LRBA: variants seen among roughly 807,000 people sequenced by gnomAD.
LRBA encodes the protein LPS responsive beige-like anchor protein, also known as lipopolysaccharide-responsive and beige-like anchor protein.
Under a neutral mutation model 330.0 loss-of-function variants are expected in LRBA, and 176 were observed. That is an observed-to-expected ratio of 0.53 (90% CI 0.47 to 0.60). The LOEUF is 0.60. Ranked by LOEUF, LRBA falls within the 20% of genes least tolerant of loss-of-function variation. The pLI is 0.00. For synonymous variants in LRBA, 1,230 were observed against 1,193.0 expected (o/e 1.03, Z -0.64); for missense variants, 3,259 against 3,444.8 (o/e 0.95, Z 1.35).
intron 40 of LRBA, chr4:150,584,184 G>A: frequency 7.1e-6 from 10 of 1,417,744 alleles, no homozygotes; most frequent in Non-Finnish European, 9.3e-6. Flanking sequence ...ATAAACAGCA[G>A]AAACTCTGGA....
intron 56 of LRBA, among the ~76,000 whole-genome samples, chr4:150,269,669 G>A (rs1039373076): frequency 2.0e-5 from 3 of 152,200 alleles, no homozygotes; most frequent in Non-Finnish European, 4.4e-5. Context: ...TCAGGGCTAG[G>A]TATAGTGGCT....
At chr4:150,853,588 A>G (rs1239610258) in intron 22 of LRBA, among the ~76,000 whole-genome samples, 1 of 152,196 alleles carries the variant, frequency 6.6e-6, no homozygotes. Context: ...TTCCATTTAT[A>G]TCTGAGTGAC....
chr4:150,589,009 CA>C (rs1393723836), intron 39 of LRBA, among the ~76,000 whole-genome samples: 6 of 150,776 alleles, frequency 4.0e-5, no homozygotes, highest in African/African-American at 1.5e-4. Context: ...AAAAATGTTA[CA>C]TATATATGTC....
chr4:150,315,198 T>C (rs1224784163), intron 51 of LRBA: 1 of 306,080 alleles, frequency 3.3e-6, no homozygotes, highest in Non-Finnish European at 6.1e-6. Context: ...CTCCATCACA[T>C]TACCGGTGCA....
At chr4:150,712,826 T>C (rs1390422361) in intron 36 of LRBA, among the ~76,000 whole-genome samples, 3 of 151,956 alleles carry the variant, frequency 2.0e-5, no homozygotes, top group Admixed American at 1.3e-4. Context: ...ATAAGCAAAA[T>C]AAGGAGTGGT....
At chr4:150,960,422 CAAAAGGTCCAGGTTTTTT>C (rs1055009113) in intron 2 of LRBA, among the ~76,000 whole-genome samples, 2 of 148,878 alleles carry the variant, frequency 1.3e-5, no homozygotes, top group Admixed American at 6.6e-5. Context: ...TGCTAAATGT[CAAAAGGTCCAGGTTTTTT>C]AAAAGGTCCA....
intron 36 of LRBA, among the ~76,000 whole-genome samples, chr4:150,703,637 T>C (rs559929837): frequency 3.6e-4 from 55 of 152,294 alleles, no homozygotes; most frequent in African/African-American, 1.3e-3. Context: ...CAGAAATTGC[T>C]AATGTAACGT....
chr4:150,341,428 A>G (rs1193257833), intron 48 of LRBA, among the ~76,000 whole-genome samples: 1 of 152,052 alleles, frequency 6.6e-6, no homozygotes, highest in African/African-American at 2.4e-5. Flanking sequence ...TCAGCCTCCC[A>G]AAGTGCTGGG....
At chr4:150,924,300 C>T (rs887540203) in intron 4 of LRBA, among the ~76,000 whole-genome samples, 3 of 152,034 alleles carry the variant, frequency 2.0e-5, no homozygotes, top group Non-Finnish European at 2.9e-5. Context: ...TCGCTTGAGC[C>T]TAGGGGTTTG....
At chr4:150,754,808 A>G (rs1483473750) in intron 35 of LRBA, among the ~76,000 whole-genome samples, 1 of 152,164 alleles carries the variant, frequency 6.6e-6, no homozygotes, top group Non-Finnish European at 1.5e-5. Flanking sequence ...GTATCTTCCC[A>G]CATATATAAT....
In LRBA at chr4:150,828,462, A is replaced by C. The variant is rs1471756660; in HGVS notation, c.4889T>G (p.Val1630Gly). Residue 1630 changes from valine (V) to glycine (G), a missense_variant, in exon 30 of 57, where the codon GTC (valine) becomes GGC (glycine). Transcript: ENST00000651943. Reference protein sequence around the residue: ...EVTPHTAPPGVSAGPDAISEV... With the variant: ...EVTPHTAPPGGSAGPDAISEV... ...GCTGATTGCATCTGGGCCTGCACTG[A>C]CACCAGGAGGTGCTGTGTGAGGAGT... 1.7e-5 allele frequency: 28 copies of C among 1,614,136 alleles called. No individual in the cohort carries two copies. The highest frequency in any genetic ancestry group is 2.3e-5 in the Non-Finnish European group (27 of 1,179,996).
intron 37 of LRBA, among the ~76,000 whole-genome samples, chr4:150,639,757 A>ATG (rs1561457062): frequency 0.012 from 218 of 17,908 alleles, 21 homozygotes; most frequent in African/African-American, 0.05. Flanking sequence ...ATATATATAT[A>ATG]TATATATATA....
intron 48 of LRBA, among the ~76,000 whole-genome samples, chr4:150,329,465 A>G (rs1733712054): frequency 6.6e-6 from 1 of 152,186 alleles, no homozygotes; most frequent in Admixed American, 6.5e-5. Flanking sequence ...TGTGGCTTCA[A>G]TGGCTTAATG....
At chr4:150,764,445 T>A (rs1210203040) in intron 34 of LRBA, among the ~76,000 whole-genome samples, 3 of 151,896 alleles carry the variant, frequency 2.0e-5, no homozygotes, top group Non-Finnish European at 4.4e-5. Context: ...AATAGCAAGG[T>A]TACAGGATAC....
At chr4:150,309,671 A>T (rs1443241754) in intron 52 of LRBA, among the ~76,000 whole-genome samples, 1 of 152,184 alleles carries the variant, frequency 6.6e-6, no homozygotes, top group African/African-American at 2.4e-5. Context: ...ATGCATGTAA[A>T]TGAATATATA....
At position 150,540,438 on chromosome 4, in the gene LRBA, G is replaced by A. The variant is rs551979240; in HGVS notation, c.6330+47610C>T. Among the ~76,000 whole-genome samples, 8 of 152,194 alleles carry A rather than the reference G, an allele frequency of 5.3e-5. No individual in the cohort carries two copies. The South Asian group carries it at 1.5e-3, about 28-fold the overall frequency. On this transcript the variant is annotated intron_variant, in intron 40 of 56. Coordinates refer to ENST00000651943, the MANE Select transcript of LRBA (RefSeq NM_001364905.1). ...TTGAACTCCTGACCTCATGTGATCC[G>A]CCTGCCTCAGCCTCTCAAAGTGCTG...
intron 2 of LRBA, among the ~76,000 whole-genome samples, chr4:150,947,947 A>G (rs1736411934): frequency 6.6e-6 from 1 of 152,066 alleles, no homozygotes; most frequent in South Asian, 2.1e-4. Context: ...AACAAAATAT[A>G]TACAGGACTT....
intron 52 of LRBA, among the ~76,000 whole-genome samples, chr4:150,307,565 TAA>T (rs113281423): frequency 2.9e-5 from 4 of 139,292 alleles, no homozygotes; most frequent in African/African-American, 5.2e-5. Flanking sequence ...TATAAAAATT[TAA>T]AAAAAAAAAA....
chr4:150,780,647 G>A (rs905135258), intron 34 of LRBA, among the ~76,000 whole-genome samples: 355 of 8,090 alleles, frequency 0.044, 2 homozygotes, highest in African/African-American at 0.084. Context: ...ATATATATAT[G>A]TGTATATATA....
Sources: allele counts gnomAD v4.1 joint callset (sites outside exome capture counted in the v4.1 genomes callset), GRCh38; gene constraint gnomAD v4.1.1; transcripts MANE v1.5; gene names NCBI Gene and HGNC (gene_info 2026-07-23, HGNC 2026-07-21).